The following KIAA0586 variants were observed in gnomAD, a reference collection of about 807,000 sequenced individuals.
KIAA0586 encodes the protein KIAA0586.
Under a neutral mutation model 169.8 loss-of-function variants are expected in KIAA0586, and 144 were observed. That is an observed-to-expected ratio of 0.85 (90% CI 0.74 to 0.97). The LOEUF is 0.97. KIAA0586 is among the 50% of genes least tolerant of loss of function. KIAA0586 has a pLI of 0.00. For missense variants in KIAA0586, 1,854 were observed against 1,823.0 expected, an observed-to-expected ratio of 1.02 and a Z score of -0.31; for synonymous variants, 625 against 612.4, an observed-to-expected ratio of 1.02 and a Z score of -0.30.
intron 12 of KIAA0586, among the ~76,000 whole-genome samples, chr14:58,459,160 A>G (rs754735820): frequency 6.6e-6 from 1 of 152,184 alleles, no homozygotes; most frequent in Non-Finnish European, 1.5e-5. Context: ...TTGACTGTAG[A>G]TGTGCTTATA....
intron 10 of KIAA0586, among the ~76,000 whole-genome samples, chr14:58,457,421 C>T (rs533559572): frequency 2.0e-5 from 3 of 152,220 alleles, no homozygotes; most frequent in South Asian, 2.1e-4. Flanking sequence ...GGGTGTGCCA[C>T]CACACCTGGC....
chr14:58,503,804 CA>C (rs2043744964), intron 27 of KIAA0586, among the ~76,000 whole-genome samples: 5 of 85,252 alleles, frequency 5.9e-5, no homozygotes, highest in African/African-American at 1.9e-4. Context: ...AGACAGGGGA[CA>C]AAGGCAAAAA....
intron 29 of KIAA0586, among the ~76,000 whole-genome samples, chr14:58,515,074 T>C (rs975293532): frequency 2.0e-5 from 3 of 152,052 alleles, no homozygotes; most frequent in Non-Finnish European, 2.9e-5. Context: ...ACCATCATAA[T>C]AAATTATCAT....
At chr14:58,543,444 T>C (rs952738392) in intron 30 of KIAA0586, among the ~76,000 whole-genome samples, 1 of 152,202 alleles carries the variant, frequency 6.6e-6, no homozygotes, top group Non-Finnish European at 1.5e-5. Flanking sequence ...AGGTGCACAG[T>C]TGATATCTGT....
At chr14:58,493,623 T>C (rs1328439868) in intron 26 of KIAA0586, among the ~76,000 whole-genome samples, 4 of 152,186 alleles carry the variant, frequency 2.6e-5, no homozygotes, top group Non-Finnish European at 5.9e-5. Flanking sequence ...GGAGAAGATA[T>C]AAAATTTAGT....
intron 19 of KIAA0586, among the ~76,000 whole-genome samples, chr14:58,476,425 G>C (rs1043958717): frequency 6.6e-6 from 1 of 152,092 alleles, no homozygotes; most frequent in African/African-American, 2.4e-5. Context: ...TTACCGTGAA[G>C]AAAGGGCAGC....
At chr14:58,446,312 A>G (rs2038897417) in intron 6 of KIAA0586, among the ~76,000 whole-genome samples, 1 of 151,788 alleles carries the variant, frequency 6.6e-6, no homozygotes, top group African/African-American at 2.4e-5. Flanking sequence ...CCTGGCCAAC[A>G]TGGTGAAACC....
At chr14:58,555,305 T>C (rs2140175788), downstream of KIAA0586, among the ~76,000 whole-genome samples, 1 of 152,082 alleles carries the variant, frequency 6.6e-6, no homozygotes, top group African/African-American at 2.4e-5. Flanking sequence ...TTCACCATGT[T>C]GGTCAGGCTG....
intron 21 of KIAA0586, among the ~76,000 whole-genome samples, chr14:58,484,957 G>A (rs1387236086): frequency 2.7e-5 from 1 of 37,112 alleles, no homozygotes. Context: ...TTTTTGAGAT[G>A]GAGTTTTGCT....
intron 29 of KIAA0586, among the ~76,000 whole-genome samples, chr14:58,517,949 G>T (rs2044884983): frequency 6.6e-6 from 1 of 152,174 alleles, no homozygotes; most frequent in Non-Finnish European, 1.5e-5. Flanking sequence ...TAGATATGGA[G>T]AACAGGTCAG....
At chr14:58,443,301 G>T (rs1390041059) in intron 5 of KIAA0586, among the ~76,000 whole-genome samples, 1 of 152,242 alleles carries the variant, frequency 6.6e-6, no homozygotes, top group Non-Finnish European at 1.5e-5. Context: ...GCCAAAACTA[G>T]AACTCAAGGC....
intron 14 of KIAA0586, among the ~76,000 whole-genome samples, chr14:58,462,662 C>CT (rs2040423922): frequency 6.6e-6 from 1 of 152,146 alleles, no homozygotes; most frequent in African/African-American, 2.4e-5. Context: ...TTCAATAACG[C>CT]TTTTAATGAT....
intron 28 of KIAA0586, 50 bp downstream of exon 28, chr14:58,508,759 CTGTT>C: frequency 6.9e-7 from 1 of 1,455,912 alleles, no homozygotes; most frequent in East Asian, 2.4e-5. Flanking sequence ...AATTGAAACA[CTGTT>C]GCCTTAGCGT....
In KIAA0586 at chr14:58,480,585, C is replaced by T. The variant is rs527718343; in HGVS notation, c.2945-1928C>T. Among the ~76,000 whole-genome samples the T allele has an allele frequency of 3.8e-4, 58 of 152,192 alleles. No homozygotes were observed. The South Asian group carries it at 0.012, about 30-fold the overall frequency. ...GCTTGATGCTCCCCTGGCATCTCAT[C>T]TTTAGTATGTCTAAAATTCTTCTCA... On this transcript the variant is annotated intron_variant, in intron 20 of 30. Transcript: ENST00000652326.
At chr14:58,452,827 GGTTGTGGTATA>G (rs1271946347) in intron 8 of KIAA0586, among the ~76,000 whole-genome samples, 1 of 151,972 alleles carries the variant, frequency 6.6e-6, no homozygotes, top group Non-Finnish European at 1.5e-5. Flanking sequence ...CATTGCGCCT[GGTTGTGGTATA>G]GTTTTTATGA....
At chr14:58,481,596 G>A (rs1041226727) in intron 20 of KIAA0586, among the ~76,000 whole-genome samples, 7 of 152,120 alleles carry the variant, frequency 4.6e-5, no homozygotes, top group African/African-American at 9.7e-5. Flanking sequence ...GGCATTTAAT[G>A]TGCCCATTTT....
chr14:58,540,894 G>C (rs946433635), intron 30 of KIAA0586, among the ~76,000 whole-genome samples: 1 of 152,186 alleles, frequency 6.6e-6, no homozygotes. Context: ...AAACACTGGG[G>C]CTATGATGTT....
At chr14:58,531,387 A>G (rs992282057) in intron 29 of KIAA0586, among the ~76,000 whole-genome samples, 1 of 152,108 alleles carries the variant, frequency 6.6e-6, no homozygotes, top group Admixed American at 6.5e-5. Flanking sequence ...GGATATCAAC[A>G]GACACTTCTC....
chr14:58,511,492 T>C (rs1180987042), intron 28 of KIAA0586, among the ~76,000 whole-genome samples: 1 of 152,150 alleles, frequency 6.6e-6, no homozygotes, highest in East Asian at 1.9e-4. Context: ...ACACAGGCAG[T>C]TTAGCTCCTG....
Sources: gnomAD v4.1 joint callset for allele counts (sites outside exome capture counted in the v4.1 genomes callset) on GRCh38, gnomAD v4.1.1 for gene constraint, MANE v1.5 for transcripts, NCBI Gene and HGNC (gene_info 2026-07-23, HGNC 2026-07-21) for gene names.